LRRC74A: variants seen among roughly 807,000 people sequenced by gnomAD.
LRRC74A encodes the protein leucine rich repeat containing 74A, also known as leucine-rich repeat-containing protein 74A.
LRRC74A carries 44 observed loss-of-function variants against 57.9 expected under a neutral mutation model. That is an observed-to-expected ratio of 0.76 (90% confidence interval 0.60 to 0.98). The LOEUF is 0.98. Ranked by LOEUF, LRRC74A falls within the 50% of genes least tolerant of loss-of-function variation. The probability of loss-of-function intolerance (pLI) is 0.00; values close to 1 mark genes in which losing one functional copy is unlikely to be tolerated. For synonymous variants in LRRC74A, 211 were observed against 219.4 expected, an observed-to-expected ratio of 0.96 and a Z score of 0.34; for missense variants, 572 against 574.0, an observed-to-expected ratio of 1.00 and a Z score of 0.04.
intron 3 of LRRC74A, 101 bp from the exon 4 acceptor site, chr14:76,836,106 A>G (rs3742752): frequency 0.21 from 169,093 of 807,132 alleles, 19,275 homozygotes; most frequent in East Asian, 0.37. Context: ...CCTAGCCTGC[A>G]TCTCCACGCC....
At chr14:76,852,142 C>T (rs1007994474) in intron 7 of LRRC74A, among the ~76,000 whole-genome samples, 2 of 152,190 alleles carry the variant, frequency 1.3e-5, no homozygotes, top group African/African-American at 4.8e-5. Context: ...TTCCTTCCCA[C>T]CTAAACTATG....
At chr14:76,843,287 C>CAAAAAAAA (rs59087508) in intron 5 of LRRC74A, among the ~76,000 whole-genome samples, 1 of 130,542 alleles carries the variant, frequency 7.7e-6, no homozygotes, top group Admixed American at 8.0e-5. Flanking sequence ...GACTCCGTCT[C>CAAAAAAAA]AAAAAAAAAA....
intron 13 of LRRC74A, among the ~76,000 whole-genome samples, chr14:76,869,703 A>G (rs11848034): frequency 0.044 from 6,738 of 151,772 alleles, 197 homozygotes; most frequent in Admixed American, 0.099. Flanking sequence ...CAGAGGTTGC[A>G]GTGAGCTGAG....
Position 76,844,484 on chromosome 14 carries a change from G to A in LRRC74A, c.594+12G>A, listed in dbSNP as rs1425450384. On this transcript the variant is annotated intron_variant, in intron 6 of 13. Coordinates refer to ENST00000689127, the MANE Select transcript of LRRC74A (RefSeq NM_001385106.1). ...GCCAAGCCCTGTCGGTAAGAGGCAG[G>A]GAGTGCAGCCAAGCCACGTGGGCGA... 3 of 1,611,020 alleles carry A rather than the reference G, an allele frequency of 1.9e-6. No individual in the cohort carries two copies. The highest frequency in any genetic ancestry group is 2.5e-6 in the Non-Finnish European group (3 of 1,178,842).
chr14:76,865,798 T>C (rs1161239271), intron 11 of LRRC74A, among the ~76,000 whole-genome samples, 170 bp from the exon 12 acceptor site: 2 of 152,222 alleles, frequency 1.3e-5, no homozygotes, highest in Non-Finnish European at 2.9e-5. Flanking sequence ...CTCTTGGTCT[T>C]AGGGGACACC....
At chr14:76,848,245 G>A (rs1034469795) in intron 7 of LRRC74A, among the ~76,000 whole-genome samples, 8 of 151,860 alleles carry the variant, frequency 5.3e-5, no homozygotes, top group Middle Eastern at 3.4e-3. Flanking sequence ...AAACCTGCAC[G>A]TTGTGCACAT....
At chr14:76,849,210 C>G (rs1250828336) in intron 7 of LRRC74A, among the ~76,000 whole-genome samples, 1 of 152,084 alleles carries the variant, frequency 6.6e-6, no homozygotes, top group Middle Eastern at 3.2e-3. Flanking sequence ...GGGTGGAGTG[C>G]AGTGGCACAA....
At chr14:76,868,000 T>C (rs1321850395) in intron 13 of LRRC74A, among the ~76,000 whole-genome samples, 1 of 152,154 alleles carries the variant, frequency 6.6e-6, no homozygotes. Context: ...AGAGGACCGG[T>C]CCATGATGAC....
chr14:76,854,105 G>C (rs1268965037), intron 9 of LRRC74A, among the ~76,000 whole-genome samples: 1 of 152,016 alleles, frequency 6.6e-6, no homozygotes, highest in Non-Finnish European at 1.5e-5. Flanking sequence ...AAGACCCCCT[G>C]GTCTTCTCTC....
At position 76,853,270 on chromosome 14, in the gene LRRC74A, G is replaced by A; in HGVS notation, c.817G>A (p.Val273Met). The A allele has an allele frequency of 6.2e-7, 1 of 1,613,714 alleles. No individual in the cohort carries two copies. The highest frequency in any genetic ancestry group is 8.5e-7 in the Non-Finnish European group (1 of 1,179,644). The part of the protein sequence containing the change: ...DLSMNGFGNE[V>M]ALALGEVLRL... Reference sequence around the variant, plus strand: ...CTCCATGAATGGCTTTGGGAATGAGGTGGCTCTGGCCCTAGGGGAAGTCCT... The same window carrying A: ...CTCCATGAATGGCTTTGGGAATGAGATGGCTCTGGCCCTAGGGGAAGTCCT... The change falls in exon 9 of 14, where the codon GTG becomes ATG. Residue 273 changes from valine to methionine, a missense_variant. Physicochemically the swap from Val to Met is conservative, Grantham distance 21. Transcript: ENST00000689127.
chr14:76,857,013 A>G (rs1319467164), intron 9 of LRRC74A, among the ~76,000 whole-genome samples: 1 of 134,990 alleles, frequency 7.4e-6, no homozygotes, highest in Non-Finnish European at 1.6e-5. Flanking sequence ...ATGGATGGAT[A>G]GGCGGATGGA....
intron 4 of LRRC74A, among the ~76,000 whole-genome samples, 160 bp from the exon 5 acceptor site, chr14:76,837,714 CT>C (rs1234884373): frequency 6.6e-6 from 1 of 152,114 alleles, no homozygotes; most frequent in Non-Finnish European, 1.5e-5. Context: ...TCCTATTGCC[CT>C]TCTCTTCGTC....
rs1427044770 is a variant in LRRC74A, at chr14:76,836,211, A to G, written c.344A>G (p.Asn115Ser). The change falls in exon 4 of 14, where the codon AAC (asparagine) becomes AGC (serine). Residue 115 changes from asparagine (N) to serine (S), a missense_variant. Transcript: ENST00000689127. ...TKAIAIALVS[N>S]MAVTKLELED... ...CTCCCCTTGTGCTGGCTGAAGTCCA[A>G]CATGGCTGTTACCAAACTGGAGCTG... 1.2e-6 allele frequency: 2 copies of G among 1,613,124 alleles called. No individual in the cohort carries two copies. Among genetic ancestry groups the G allele is most frequent in the Non-Finnish European group, 1.7e-6 (2 of 1,179,256 alleles).
intron 6 of LRRC74A, 129 bp from the exon 7 acceptor site, chr14:76,844,691 T>G: frequency 1.4e-6 from 1 of 692,396 alleles, no homozygotes; most frequent in Non-Finnish European, 2.5e-6. Flanking sequence ...CAACAAAAAA[T>G]GCCTAAGACA....
At chr14:76,867,903 C>T (rs552352802) in intron 13 of LRRC74A, among the ~76,000 whole-genome samples, 4 of 152,212 alleles carry the variant, frequency 2.6e-5, no homozygotes, top group East Asian at 3.8e-4. Flanking sequence ...CAAATGCTAA[C>T]GGTGTGTTAG....
intron 5 of LRRC74A, among the ~76,000 whole-genome samples, chr14:76,840,520 C>T (rs1196767269): frequency 6.6e-6 from 1 of 151,804 alleles, no homozygotes; most frequent in Non-Finnish European, 1.5e-5. Flanking sequence ...TATTAAACTT[C>T]CATTATAAAT....
At chr14:76,857,913 G>A (rs1898024001) in intron 10 of LRRC74A, among the ~76,000 whole-genome samples, 1 of 152,174 alleles carries the variant, frequency 6.6e-6, no homozygotes, top group Non-Finnish European at 1.5e-5. Context: ...GTTAGACTCA[G>A]AGCAGTATTT....
intron 1 of LRRC74A, among the ~76,000 whole-genome samples, 199 bp from the exon 2 acceptor site, chr14:76,828,092 C>T (rs540304334): frequency 6.6e-6 from 1 of 152,304 alleles, no homozygotes; most frequent in African/African-American, 2.4e-5. Flanking sequence ...TTCACAAGCT[C>T]CCGTAGACCC....
At chr14:76,865,846 C>T (rs575804314) in intron 11 of LRRC74A, 122 bp from the exon 12 acceptor site, 3 of 763,134 alleles carry the variant, frequency 3.9e-6, no homozygotes, top group Admixed American at 4.4e-5. Context: ...CCTTGGCCTT[C>T]TGCCCTTTTT....
Sources: allele counts gnomAD v4.1 joint callset (sites outside exome capture counted in the v4.1 genomes callset), GRCh38; gene constraint gnomAD v4.1.1; transcripts MANE v1.5; gene names NCBI Gene and HGNC (gene_info 2026-07-23, HGNC 2026-07-21).